PCSK5: variants seen among roughly 807,000 people sequenced by gnomAD.
PCSK5 encodes proprotein convertase subtilisin/kexin type 5, also known as prohormone convertase 5.
In PCSK5, 129 loss-of-function variants were observed where a neutral mutation model predicts 233.2. The observed-to-expected ratio is 0.55, with a 90% confidence interval of 0.48 to 0.64. The LOEUF (loss-of-function observed/expected upper bound fraction) is 0.64. Ranked by LOEUF, PCSK5 falls within the 30% of genes least tolerant of loss-of-function variation. PCSK5 has a pLI of 0.00. For synonymous variants in PCSK5, 825 were observed against 879.2 expected (o/e 0.94, Z 1.09); for missense variants, 2,076 against 2,430.1 (o/e 0.85, Z 3.06).
chr9:75,975,080 G>A (rs942857109), intron 2 of PCSK5, among the ~76,000 whole-genome samples: 2 of 152,156 alleles, frequency 1.3e-5, no homozygotes, highest in Non-Finnish European at 2.9e-5. Context: ...GAAGCTCCCA[G>A]AGTATTGAGA....
At chr9:76,083,447 A>G (rs1830934544) in intron 7 of PCSK5, among the ~76,000 whole-genome samples, 1 of 152,186 alleles carries the variant, frequency 6.6e-6, no homozygotes, top group Admixed American at 6.5e-5. Flanking sequence ...CTTTCCAGTG[A>G]ACTCTAACAG....
intron 1 of PCSK5, among the ~76,000 whole-genome samples, chr9:75,914,232 G>A (rs748465669): frequency 1.4e-4 from 21 of 152,182 alleles, no homozygotes; most frequent in Admixed American, 7.2e-4. Flanking sequence ...AAAGGGCTCT[G>A]AGATGTGAGA....
At chr9:76,172,988 C>T (rs1417066949) in intron 13 of PCSK5, among the ~76,000 whole-genome samples, 1 of 152,156 alleles carries the variant, frequency 6.6e-6, no homozygotes, top group Non-Finnish European at 1.5e-5. Context: ...CTCCTAAACT[C>T]CTAGAAATGA....
chr9:76,196,893 G>C (rs1044117910), intron 20 of PCSK5, among the ~76,000 whole-genome samples: 1 of 152,128 alleles, frequency 6.6e-6, no homozygotes, highest in South Asian at 2.1e-4. Flanking sequence ...TTAACATTAA[G>C]ACAATTAACA....
At chr9:76,092,239 C>T (rs1831326879) in intron 7 of PCSK5, among the ~76,000 whole-genome samples, 1 of 152,158 alleles carries the variant, frequency 6.6e-6, no homozygotes, top group South Asian at 2.1e-4. Flanking sequence ...GCTCTTATAT[C>T]CTAAGGCCAA....
At chr9:76,033,559 A>C (rs1828735241) in intron 5 of PCSK5, among the ~76,000 whole-genome samples, 1 of 152,142 alleles carries the variant, frequency 6.6e-6, no homozygotes, top group South Asian at 2.1e-4. Context: ...TAGAGGCTTA[A>C]TGTATACCAA....
At chr9:76,111,282 A>T (rs934509715) in intron 9 of PCSK5, among the ~76,000 whole-genome samples, 2 of 152,198 alleles carry the variant, frequency 1.3e-5, no homozygotes, top group Non-Finnish European at 2.9e-5. Flanking sequence ...CAAGACTAGA[A>T]GAATTCTCAG....
chr9:75,941,234 A>G (rs1824289610), intron 2 of PCSK5, among the ~76,000 whole-genome samples: 1 of 152,132 alleles, frequency 6.6e-6, no homozygotes, highest in South Asian at 2.1e-4. Context: ...TGTGCAGTGC[A>G]GTTTTATAAG....
chr9:75,910,702 A>T (rs1307837446), intron 1 of PCSK5, among the ~76,000 whole-genome samples: 1 of 152,076 alleles, frequency 6.6e-6, no homozygotes, highest in Non-Finnish European at 1.5e-5. Context: ...TTTAATAGAG[A>T]ACTCTCTTTC....
intron 21 of PCSK5, among the ~76,000 whole-genome samples, chr9:76,230,558 A>T (rs1826046941): frequency 6.6e-6 from 1 of 152,146 alleles, no homozygotes; most frequent in Non-Finnish European, 1.5e-5. Flanking sequence ...ATGAACTGAT[A>T]TTGGTTCATG....
intron 25 of PCSK5, among the ~76,000 whole-genome samples, chr9:76,292,985 C>T (rs1346591563): frequency 1.3e-5 from 2 of 152,142 alleles, no homozygotes; most frequent in Non-Finnish European, 2.9e-5. Context: ...TTTCATCTCT[C>T]GATCATTTTA....
chr9:76,182,307 C>A (rs1823907972), intron 16 of PCSK5, among the ~76,000 whole-genome samples: 1 of 151,682 alleles, frequency 6.6e-6, no homozygotes, highest in Non-Finnish European at 1.5e-5. Flanking sequence ...TTAAAAAGTT[C>A]AAAAAATATG....
chr9:75,899,131 G>C (rs1393777453), intron 1 of PCSK5, among the ~76,000 whole-genome samples: 2 of 152,218 alleles, frequency 1.3e-5, no homozygotes, highest in Non-Finnish European at 2.9e-5. Flanking sequence ...AGTAGGGGAT[G>C]AGGAGGAGGG....
intron 1 of PCSK5, among the ~76,000 whole-genome samples, chr9:75,918,302 A>T (rs374203214): frequency 6.6e-6 from 1 of 152,192 alleles, no homozygotes; most frequent in Non-Finnish European, 1.5e-5. Context: ...TGCTTCATCA[A>T]CACTCTTGGT....
At chr9:76,330,745 T>C (rs1228021617) in intron 33 of PCSK5, among the ~76,000 whole-genome samples, 2 of 152,090 alleles carry the variant, frequency 1.3e-5, no homozygotes, top group East Asian at 3.9e-4. Context: ...CCATTCCTGA[T>C]CACTTCACAA....
At chr9:76,161,117 C>T (rs1443858501) in intron 12 of PCSK5, among the ~76,000 whole-genome samples, 1 of 152,228 alleles carries the variant, frequency 6.6e-6, no homozygotes, top group Non-Finnish European at 1.5e-5. Flanking sequence ...TGTGCTTAGA[C>T]TTGCTGTGTT....
chr9:76,108,469 G>A (rs751348022), intron 9 of PCSK5, among the ~76,000 whole-genome samples: 64 of 152,276 alleles, frequency 4.2e-4, no homozygotes, highest in Middle Eastern at 3.4e-3. Flanking sequence ...AATAAGAACC[G>A]TGTGGCCGGG....
At chr9:76,065,665 C>A (rs1171040216) in intron 5 of PCSK5, among the ~76,000 whole-genome samples, 1 of 152,132 alleles carries the variant, frequency 6.6e-6, no homozygotes, top group Non-Finnish European at 1.5e-5. Flanking sequence ...TATATAATTG[C>A]ATGTATCTAT....
intron 24 of PCSK5, among the ~76,000 whole-genome samples, chr9:76,283,830 A>G (rs753403279): frequency 1.3e-5 from 2 of 152,234 alleles, no homozygotes; most frequent in Non-Finnish European, 2.9e-5. Flanking sequence ...TTTCATTCAC[A>G]TCTATATTTC....
Sources: gnomAD v4.1 joint callset for allele counts (sites outside exome capture counted in the v4.1 genomes callset) on GRCh38, gnomAD v4.1.1 for gene constraint, MANE v1.5 for transcripts, NCBI Gene and HGNC (gene_info 2026-07-23, HGNC 2026-07-21) for gene names.